The following TMC2 variants were observed in gnomAD, a reference collection of about 807,000 sequenced individuals.
TMC2 encodes the protein transmembrane channel-like protein 2.
Under a neutral mutation model 105.9 loss-of-function variants are expected in TMC2, and 102 were observed. That is an observed-to-expected ratio of 0.96 (90% confidence interval 0.82 to 1.14). The LOEUF (loss-of-function observed/expected upper bound fraction) is 1.14. Ranked by LOEUF, TMC2 falls within the 50% of genes most tolerant of loss-of-function variation. The pLI is 0.00. For synonymous variants in TMC2, 402 were observed against 422.8 expected, an observed-to-expected ratio of 0.95 and a Z score of 0.60; for missense variants, 1,093 against 1,134.3, an observed-to-expected ratio of 0.96 and a Z score of 0.52.
chr20:2,564,284 G>A (rs959314371), intron 4 of TMC2, among the ~76,000 whole-genome samples: 1 of 151,338 alleles, frequency 6.6e-6, no homozygotes, highest in African/African-American at 2.4e-5. Context: ...CCGAGTAGCT[G>A]GGACTACAGG....
intron 2 of TMC2, among the ~76,000 whole-genome samples, chr20:2,551,557 T>C (rs1481525346): frequency 6.6e-6 from 1 of 152,218 alleles, no homozygotes; most frequent in Non-Finnish European, 1.5e-5. Flanking sequence ...GCTGTGGTAT[T>C]TTAAAAGTCA....
In TMC2 at chr20:2,640,035, T is replaced by C. The variant is rs2086677520; in HGVS notation, c.2504-1099T>C. On this transcript the variant is annotated intron_variant, in intron 19 of 19. Coordinates refer to ENST00000358864, the MANE Select transcript of TMC2 (RefSeq NM_080751.3). ...TCACACTCTGTCGCCCAGGCTGGAG[T>C]GCAGTGGCACGATCTCTGATCACCG... Among the ~76,000 whole-genome samples the C allele has an allele frequency of 3.3e-5, 5 of 152,306 alleles. No homozygotes were observed. In the South Asian group the frequency reaches 1.0e-3, roughly 32 times the overall value.
intron 10 of TMC2, among the ~76,000 whole-genome samples, chr20:2,601,593 CAGTTT>C (rs2086351999): frequency 6.6e-6 from 1 of 152,138 alleles, no homozygotes; most frequent in Non-Finnish European, 1.5e-5. Context: ...GTAATCCCAG[CAGTTT>C]GGGAGGCTGA....
Position 2,639,559 on chromosome 20 carries a change from A to G in TMC2, c.2504-1575A>G, listed in dbSNP as rs112352639. ...ATGCCGTCTAGGTTTGGGTAAGTAC[A>G]TTCTATGATGGTCACACAACAACAA... is the stretch of plus-strand genomic sequence containing the variant. On this transcript the variant is annotated intron_variant, in intron 19 of 19. Transcript: ENST00000358864. 6.3e-3 allele frequency among the ~76,000 whole-genome samples: 963 copies of G among 152,340 alleles called. 11 individuals are homozygous for G. The highest frequency in any genetic ancestry group is 0.041 in the Middle Eastern group (12 of 294).
Position 2,558,509 on chromosome 20 carries a change from A to C in TMC2, c.136A>C (p.Thr46Pro). Residue 46 changes from threonine (T) to proline (P), a missense_variant, in exon 3 of 20, where the codon ACC (threonine) becomes CCC (proline). Thr to Pro is a conservative substitution (Grantham distance 38). Transcript: ENST00000358864. The surrounding 1 kb of genome is among the most constrained non-coding windows in gnomAD (Gnocchi z 4.6). ...CAAGCGGGCTCTCAAAGCCGAGGGG[A>C]CCCCAGGCAGGCGCGGAGCTCAGCG... ...SSKRALKAEG[T>P]PGRRGAQRSQ... 6.4e-7 allele frequency: 1 copy of C among 1,557,898 alleles called. No individual in the cohort carries two copies. Among genetic ancestry groups the C allele is most frequent in the Non-Finnish European group, 8.7e-7 (1 of 1,151,036 alleles).
intron 8 of TMC2, among the ~76,000 whole-genome samples, chr20:2,593,699 T>C (rs963445365): frequency 6.6e-6 from 1 of 152,196 alleles, no homozygotes; most frequent in African/African-American, 2.4e-5. Context: ...CAGAATCATC[T>C]ACCTCTCCTC....
Position 2,561,782 on chromosome 20 carries a change from C to T in TMC2, c.402-76C>T, listed in dbSNP as rs1205608945. 6.6e-6 allele frequency: 10 copies of T among 1,514,934 alleles called. No individual in the cohort carries two copies. The African/African-American group carries it at 1.1e-4, about 17-fold the overall frequency. The allele number at this position is 1,514,934 out of a possible 1,614,324, so 93.8% of individuals were successfully genotyped here. ...AAGGGGTGCCATCTTCCATGGGCCC[C>T]TCCTCATTCCACAGCACCTGAGGAC... is the stretch of plus-strand genomic sequence containing the variant. On this transcript the variant is annotated intron_variant, in intron 3 of 19. Coordinates refer to ENST00000358864, the MANE Select transcript of TMC2 (RefSeq NM_080751.3).
At chr20:2,602,558 C>T (rs566654139) in intron 11 of TMC2, among the ~76,000 whole-genome samples, 4 of 152,298 alleles carry the variant, frequency 2.6e-5, no homozygotes, top group East Asian at 3.9e-4. Flanking sequence ...CAATTACTAA[C>T]GAGGCGATCC....
intron 2 of TMC2, among the ~76,000 whole-genome samples, chr20:2,543,049 C>T (rs149712898): frequency 0.01 from 1,522 of 151,896 alleles, 21 homozygotes; most frequent in African/African-American, 0.035. Context: ...CCAGCCTGGC[C>T]AACATGGTGA....
intron 14 of TMC2, among the ~76,000 whole-genome samples, chr20:2,615,274 T>C (rs1423910712): frequency 1.3e-5 from 2 of 152,232 alleles, no homozygotes; most frequent in Admixed American, 1.3e-4. Flanking sequence ...TGAGCTGAGA[T>C]TGTGCCACTG....
At position 2,608,304 on chromosome 20, in the gene TMC2, TTA is replaced by T. The variant is rs1289546058; in HGVS notation, c.1414-2113_1414-2112del. 5.1e-3 allele frequency among the ~76,000 whole-genome samples: 559 copies of T among 109,060 alleles called. 4 individuals are homozygous for T. The highest frequency in any genetic ancestry group is 0.033 in the African/African-American group (537 of 16,476). The allele number at this position is 109,060 out of a possible 152,430, so 71.5% of individuals were successfully genotyped here. On this transcript the variant is annotated intron_variant, in intron 11 of 19. Coordinates refer to ENST00000358864, the MANE Select transcript of TMC2 (RefSeq NM_080751.3). ...CCAGTTGTACCCTTATTTTTATTTA[TTA>T]TTATTATTATTATTATTATTATTAT...
chr20:2,621,294 G>A (rs1188346171), intron 16 of TMC2, among the ~76,000 whole-genome samples: 23 of 146,874 alleles, frequency 1.6e-4, no homozygotes, highest in Middle Eastern at 3.9e-3. Context: ...CCCGGGAGGT[G>A]GAGGTTGCAG....
In TMC2 at chr20:2,548,039, T is replaced by C. The variant is rs149453268; in HGVS notation, c.83-10417T>C. On this transcript the variant is annotated intron_variant, in intron 2 of 19. Coordinates refer to ENST00000358864, the MANE Select transcript of TMC2 (RefSeq NM_080751.3). Reference sequence around the variant, plus strand: ...ACCTCTCTATCAAGACTGATCATAATAGAGTATCATTTAATTATAACTTTT... The same window carrying C: ...ACCTCTCTATCAAGACTGATCATAACAGAGTATCATTTAATTATAACTTTT... Among the ~76,000 whole-genome samples the C allele has an allele frequency of 1.4e-3, 210 of 152,354 alleles. 1 individual carries two copies. Among genetic ancestry groups the C allele is most frequent in the African/African-American group, 4.4e-3 (183 of 41,594 alleles).
intron 5 of TMC2, among the ~76,000 whole-genome samples, chr20:2,574,650 A>T (rs768958180): frequency 6.6e-6 from 1 of 152,176 alleles, no homozygotes; most frequent in Non-Finnish European, 1.5e-5. Context: ...TAAAATTTTC[A>T]TATGTGTTAA....
intron 2 of TMC2, among the ~76,000 whole-genome samples, chr20:2,555,396 C>G (rs186818878): frequency 6.6e-6 from 1 of 152,082 alleles, no homozygotes; most frequent in African/African-American, 2.4e-5. Context: ...CTTCTTTATC[C>G]CCGATAATTT....
In TMC2 at chr20:2,573,802, C is replaced by T. The variant is rs533143995; in HGVS notation, c.645+1533C>T. 6.7e-4 allele frequency among the ~76,000 whole-genome samples: 102 copies of T among 152,006 alleles called. No individual in the cohort carries two copies. In the Middle Eastern group the frequency reaches 0.01, roughly 15 times the overall value. Reference sequence around the variant, plus strand: ...GTCTCGATCTCCTGACCTCGTGATCCGCCCGCCTCGGCCTCCCAAAGTGCT... The same window carrying T: ...GTCTCGATCTCCTGACCTCGTGATCTGCCCGCCTCGGCCTCCCAAAGTGCT... On this transcript the variant is annotated intron_variant, in intron 5 of 19. Transcript: ENST00000358864.
At chr20:2,626,988 C>T (rs529731492) in intron 17 of TMC2, among the ~76,000 whole-genome samples, 9 of 152,278 alleles carry the variant, frequency 5.9e-5, no homozygotes, top group Non-Finnish European at 8.8e-5. Flanking sequence ...GAGGAGGTAA[C>T]GATTGGTCAG....
At chr20:2,576,439 C>A (rs1600108806) in intron 5 of TMC2, among the ~76,000 whole-genome samples, 1 of 152,230 alleles carries the variant, frequency 6.6e-6, no homozygotes. Flanking sequence ...CCTTGAGGGG[C>A]TGTCAGGTGG....
At chr20:2,587,017 A>G (rs2086236196) in intron 7 of TMC2, among the ~76,000 whole-genome samples, 1 of 152,176 alleles carries the variant, frequency 6.6e-6, no homozygotes, top group African/African-American at 2.4e-5. Context: ...ATCATAGTGT[A>G]TATTTTGTAT....
Sources: gnomAD v4.1 joint callset for allele counts (sites outside exome capture counted in the v4.1 genomes callset) on GRCh38, gnomAD v4.1.1 for gene constraint, Gnocchi (gnomAD v3.1) non-coding constraint, MANE v1.5 for transcripts, NCBI Gene and HGNC (gene_info 2026-07-23, HGNC 2026-07-21) for gene names.